Variants in ENTPD7 observed in about 807,000 individuals in gnomAD.
ENTPD7 encodes ectonucleoside triphosphate diphosphohydrolase 7.
A neutral mutation model predicts 77.9 loss-of-function variants in ENTPD7; 53 were observed. That is an observed-to-expected ratio of 0.68 (90% CI 0.55 to 0.85). ENTPD7 has a LOEUF of 0.85. Ranked by LOEUF, ENTPD7 falls within the 40% of genes least tolerant of loss-of-function variation. The probability of loss-of-function intolerance (pLI) is 0.00; values close to 1 mark genes in which losing one functional copy is unlikely to be tolerated. For synonymous variants in ENTPD7, 248 were observed against 274.9 expected (o/e 0.90, Z 0.97); for missense variants, 636 against 743.7 (o/e 0.86, Z 1.68).
intron 3 of ENTPD7, among the ~76,000 whole-genome samples, chr10:99,676,446 G>A (rs2035682923): frequency 6.6e-6 from 1 of 152,136 alleles, no homozygotes; most frequent in Non-Finnish European, 1.5e-5. Flanking sequence ...AGAAGGGGAT[G>A]GGATCCAGAA....
At chr10:99,690,193 T>TA (rs897072946) in intron 7 of ENTPD7, among the ~76,000 whole-genome samples, 6 of 152,336 alleles carry the variant, frequency 3.9e-5, no homozygotes, top group Middle Eastern at 3.4e-3. Context: ...GGTCATCTTG[T>TA]ATACTTTCTA....
chr10:99,669,739 G>GT (rs1564627684), intron 3 of ENTPD7, among the ~76,000 whole-genome samples: 6 of 89,430 alleles, frequency 6.7e-5, no homozygotes, highest in African/African-American at 1.9e-4. Flanking sequence ...TTAGATGTGT[G>GT]GTTTTTTTTT....
In ENTPD7 at chr10:99,707,290, C is replaced by G. The variant is rs2036272313; in HGVS notation, c.*2607C>G. Among the ~76,000 whole-genome samples, 1 of 152,142 alleles carries G rather than the reference C, an allele frequency of 6.6e-6. No individual in the cohort carries two copies. The highest frequency in any genetic ancestry group is 2.1e-4 in the South Asian group (1 of 4,836). On this transcript the variant is annotated 3_prime_UTR_variant, in exon 13 of 13. Coordinates refer to ENST00000370489, the MANE Select transcript of ENTPD7 (RefSeq NM_020354.5). ...ACTGAAGGAAAATTTTGTCATATCC[C>G]TCAGAAGAACTGAATATTTATTATT...
chr10:99,700,818 G>A (rs1344235755), intron 10 of ENTPD7, 155 bp from the exon 11 acceptor site: 2 of 695,614 alleles, frequency 2.9e-6, no homozygotes, highest in Non-Finnish European at 5.2e-6. Flanking sequence ...ACAGGGGTAT[G>A]ACGCAGTGTT....
chr10:99,680,121 G>T (rs2035734729), intron 5 of ENTPD7, among the ~76,000 whole-genome samples: 1 of 152,190 alleles, frequency 6.6e-6, no homozygotes, highest in Non-Finnish European at 1.5e-5. Context: ...GGATCATCGG[G>T]CACATAGAGA....
At chr10:99,675,597 ATTT>A (rs56282052) in intron 3 of ENTPD7, among the ~76,000 whole-genome samples, 1 of 105,626 alleles carries the variant, frequency 9.5e-6, no homozygotes, top group Non-Finnish European at 1.7e-5. Flanking sequence ...ATTGCAACTA[ATTT>A]TTTTTTTTTT....
At chr10:99,680,409 G>C (rs773339960) in intron 5 of ENTPD7, among the ~76,000 whole-genome samples, 4 of 152,130 alleles carry the variant, frequency 2.6e-5, no homozygotes, top group Admixed American at 6.5e-5. Flanking sequence ...ATTAGAGGAA[G>C]AGGAAGAGAA....
At chr10:99,688,035 TAA>T (rs1345658281) in intron 6 of ENTPD7, among the ~76,000 whole-genome samples, 1 of 152,102 alleles carries the variant, frequency 6.6e-6, no homozygotes, top group Non-Finnish European at 1.5e-5. Context: ...CTCTGTTGCC[TAA>T]GGTTAGAGAG....
chr10:99,668,033 C>G (rs200444051), intron 3 of ENTPD7, among the ~76,000 whole-genome samples: 1 of 137,274 alleles, frequency 7.3e-6, no homozygotes, highest in East Asian at 2.2e-4. Context: ...CTCCCAGGTT[C>G]AAGCGATTCT....
At chr10:99,667,909 T>C (rs942778554) in intron 3 of ENTPD7, among the ~76,000 whole-genome samples, 2 of 151,578 alleles carry the variant, frequency 1.3e-5, no homozygotes, top group African/African-American at 4.8e-5. Flanking sequence ...TCTAAAAATT[T>C]ATGTTAATGA....
intron 8 of ENTPD7, among the ~76,000 whole-genome samples, chr10:99,693,151 C>G (rs2035911492): frequency 6.6e-6 from 1 of 152,070 alleles, no homozygotes; most frequent in African/African-American, 2.4e-5. Flanking sequence ...GACTGAGGAA[C>G]CCAGTAACTG....
rs1005526724 is a variant in ENTPD7, at chr10:99,707,976, G to A, written c.*3293G>A. Among the ~76,000 whole-genome samples, 2 of 152,144 alleles carry A rather than the reference G, an allele frequency of 1.3e-5. No individual in the cohort carries two copies. The highest frequency in any genetic ancestry group is 3.8e-4 in the East Asian group (2 of 5,198). Reference sequence around the variant, plus strand: ...ACATGAGTATATTGAGTGATGCTGAGGTTTGGGGTACAGATCCCATCACCA... The same window carrying A: ...ACATGAGTATATTGAGTGATGCTGAAGTTTGGGGTACAGATCCCATCACCA... On this transcript the variant is annotated 3_prime_UTR_variant, in exon 13 of 13. Coordinates refer to ENST00000370489, the MANE Select transcript of ENTPD7 (RefSeq NM_020354.5).
chr10:99,685,767 TGG>T (rs775701898), intron 5 of ENTPD7, 23 bp from the exon 6 acceptor site: 1 of 1,568,394 alleles, frequency 6.4e-7, no homozygotes, highest in African/African-American at 1.4e-5. Flanking sequence ...TGACTAACTT[TGG>T]GATTTTTTGT....
intron 2 of ENTPD7, chr10:99,660,438 AG>A: frequency 1.0e-6 from 1 of 996,918 alleles, no homozygotes; most frequent in Non-Finnish European, 1.4e-6. Context: ...TGCACCAATA[AG>A]GGAAAGTTAT....
At chr10:99,672,762 A>C (rs1235750164) in intron 3 of ENTPD7, among the ~76,000 whole-genome samples, 1 of 152,170 alleles carries the variant, frequency 6.6e-6, no homozygotes, top group Non-Finnish European at 1.5e-5. Context: ...CTTTAACTGT[A>C]ATATCATTAT....
At chr10:99,669,836 G>A (rs11190234) in intron 3 of ENTPD7, among the ~76,000 whole-genome samples, 40,916 of 135,216 alleles carry the variant, frequency 0.3, 5,690 homozygotes, top group East Asian at 0.34. Flanking sequence ...TGCAAGCTCC[G>A]CCTCCCGGGT....
Position 99,659,794 on chromosome 10 carries a change from G to A in ENTPD7, c.-95-68G>A, listed in dbSNP as rs544164983. The stretch of plus-strand genomic sequence containing the variant: ...GGAGCCTGGGGAGGAGGTGGGAGCC[G>A]TGGAATTCCCGTGCAGGTTTGTCTC... On this transcript the variant is annotated intron_variant, in intron 1 of 12. Coordinates refer to ENST00000370489, the MANE Select transcript of ENTPD7 (RefSeq NM_020354.5). This position sits in a 1 kb window ranked among gnomAD's most constrained non-coding sequence, Gnocchi z 4.1. 16 of 927,174 alleles carry A rather than the reference G, an allele frequency of 1.7e-5. No homozygotes were observed. The East Asian group carries it at 3.0e-4, about 17-fold the overall frequency. 57.4% of individuals were successfully genotyped at this position (927,174 alleles called of 1,614,324 possible).
In ENTPD7 at chr10:99,679,802, G is replaced by A. The variant is rs1437015705; in HGVS notation, c.475G>A (p.Val159Met). ...RPLLSFAAAHVPVKKHKETPL... is the reference protein window; with the variant it reads ...RPLLSFAAAHMPVKKHKETPL... ...TCTGCTGAGCTTTGCTGCTGCTCATGTGCCTGTGAAGAAGCACAAGGAGAC... is the reference window on the plus strand; with the variant it reads ...TCTGCTGAGCTTTGCTGCTGCTCATATGCCTGTGAAGAAGCACAAGGAGAC... The change falls in exon 5 of 13, where the codon GTG (valine) becomes ATG (methionine). Residue 159 changes from valine to methionine, a missense_variant. This residue lies in a region of ENTPD7 where 486 missense variants were observed against 556.5 expected (regional missense o/e 0.87). Transcript: ENST00000370489. 1 of 1,614,228 alleles carries A rather than the reference G, an allele frequency of 6.2e-7. No individual in the cohort carries two copies. Among genetic ancestry groups the A allele is most frequent in the Admixed American group, 1.7e-5 (1 of 60,028 alleles).
Position 99,710,215 on chromosome 10 carries a change from T to C in ENTPD7, c.*5532T>C. ...ACAGAGCACTTGCCGGCATTTGGCC[T>C]GCTGCTGGTGAAGACGCCCCTTACT... On this transcript the variant is annotated 3_prime_UTR_variant, in exon 13 of 13. Transcript: ENST00000370489. 1 of 985,438 alleles carries C rather than the reference T, an allele frequency of 1.0e-6. No individual in the cohort carries two copies. Among genetic ancestry groups the C allele is most frequent in the Non-Finnish European group, 1.2e-6 (1 of 829,924 alleles). 61.0% of individuals were successfully genotyped at this position (985,438 alleles called of 1,614,324 possible).
Sources: allele counts gnomAD v4.1 joint callset (sites outside exome capture counted in the v4.1 genomes callset), GRCh38; gene constraint gnomAD v4.1.1; regional missense constraint gnomAD v4.1.1; non-coding constraint Gnocchi (gnomAD v3.1); transcripts MANE v1.5; gene names NCBI Gene and HGNC (gene_info 2026-07-23, HGNC 2026-07-21).